Variants in PDE3B observed in about 807,000 individuals in gnomAD.
PDE3B encodes phosphodiesterase 3B, also known as cGMP-inhibited 3',5'-cyclic phosphodiesterase 3B.
Under a neutral mutation model 116.8 loss-of-function variants are expected in PDE3B, and 66 were observed. The ratio of observed to expected loss-of-function variants is 0.56; its 90% CI spans 0.46 to 0.69. The LOEUF is 0.69. Ranked by LOEUF, PDE3B falls within the 30% of genes least tolerant of loss-of-function variation. PDE3B has a pLI of 0.00. For synonymous variants in PDE3B, 595 were observed against 533.6 expected (o/e 1.12, Z -1.59); for missense variants, 1,384 against 1,368.1 (o/e 1.01, Z -0.18).
chr11:14,848,569 T>A (rs1454792308), intron 12 of PDE3B, among the ~76,000 whole-genome samples: 1 of 152,184 alleles, frequency 6.6e-6, no homozygotes, highest in African/African-American at 2.4e-5. Flanking sequence ...GCAGATGACA[T>A]GATTGTATAT....
chr11:14,886,071 C>T, the PDE3B span: 1 of 722,836 alleles, frequency 1.4e-6, no homozygotes, highest in Non-Finnish European at 2.4e-6. Context: ...GTTCAGAGTG[C>T]CCTCCTTCTA....
At chr11:14,751,920 C>T (rs773296363) in intron 1 of PDE3B, among the ~76,000 whole-genome samples, 17 of 152,068 alleles carry the variant, frequency 1.1e-4, no homozygotes, top group Non-Finnish European at 1.6e-4. Context: ...CATTGTAGTG[C>T]CAGTGAAAAT....
chr11:14,863,741 C>T (rs557911138), intron 14 of PDE3B, among the ~76,000 whole-genome samples: 4 of 152,224 alleles, frequency 2.6e-5, no homozygotes, highest in East Asian at 3.9e-4. Context: ...ATCCTTTACA[C>T]GCAAGCAAAT....
chr11:14,688,153 C>CTCCA (rs1382664994), intron 1 of PDE3B, among the ~76,000 whole-genome samples: 3 of 120,436 alleles, frequency 2.5e-5, no homozygotes, highest in Non-Finnish European at 3.8e-5. Context: ...CCCTCCCTCC[C>CTCCA]TCCATCCCTC....
chr11:14,767,806 C>G (rs1454546040), intron 1 of PDE3B, among the ~76,000 whole-genome samples: 1 of 151,274 alleles, frequency 6.6e-6, no homozygotes, highest in African/African-American at 2.4e-5. Flanking sequence ...TGAGGAACAA[C>G]TAGTGATTGA....
At chr11:14,714,359 G>C (rs1482375902) in intron 1 of PDE3B, among the ~76,000 whole-genome samples, 2 of 151,872 alleles carry the variant, frequency 1.3e-5, no homozygotes, top group African/African-American at 4.8e-5. Context: ...TTATGAAATA[G>C]CAAAGGTTTA....
intron 1 of PDE3B, among the ~76,000 whole-genome samples, chr11:14,741,338 C>G (rs1413561278): frequency 6.6e-6 from 1 of 152,056 alleles, no homozygotes; most frequent in Non-Finnish European, 1.5e-5. Flanking sequence ...TTGCATTGAT[C>G]TGTTTACCAT....
intron 1 of PDE3B, among the ~76,000 whole-genome samples, chr11:14,667,082 C>T (rs1243760187): frequency 6.6e-6 from 1 of 152,180 alleles, no homozygotes; most frequent in African/African-American, 2.4e-5. Context: ...GGCACATATA[C>T]ACCATGGAAT....
intron 1 of PDE3B, among the ~76,000 whole-genome samples, chr11:14,709,645 G>A (rs930618971): frequency 6.6e-6 from 1 of 152,130 alleles, no homozygotes; most frequent in African/African-American, 2.4e-5. Flanking sequence ...AATTTGGAGA[G>A]GAGATAGCAC....
chr11:14,772,029 C>A, intron 2 of PDE3B, 42 bp downstream of exon 2: 1 of 807,506 alleles, frequency 1.2e-6, no homozygotes, highest in South Asian at 1.7e-5. Flanking sequence ...TAAATAATAT[C>A]TGTGATCACT....
chr11:14,698,733 CTT>C (rs1280884825), intron 1 of PDE3B: 2 of 151,794 alleles, frequency 1.3e-5, no homozygotes, highest in Non-Finnish European at 1.5e-5. Context: ...CTCTTTTTCT[CTT>C]TTTAAAATTT....
At chr11:14,829,989 A>T (rs957009652) in intron 7 of PDE3B, among the ~76,000 whole-genome samples, 1 of 152,142 alleles carries the variant, frequency 6.6e-6, no homozygotes, top group African/African-American at 2.4e-5. Flanking sequence ...ATCAGAGAGT[A>T]TATACTTTTA....
intron 4 of PDE3B, among the ~76,000 whole-genome samples, chr11:14,798,597 C>A (rs1350378898): frequency 2.6e-5 from 4 of 152,158 alleles, no homozygotes; most frequent in African/African-American, 9.7e-5. Context: ...TTAATTACTG[C>A]CTCCATTTCA....
At chr11:14,649,061 A>G (rs1232976022) in intron 1 of PDE3B, among the ~76,000 whole-genome samples, 1 of 152,214 alleles carries the variant, frequency 6.6e-6, no homozygotes, top group Admixed American at 6.5e-5. Flanking sequence ...ATTATAGTGC[A>G]TTAGATAGTC....
intron 1 of PDE3B, among the ~76,000 whole-genome samples, chr11:14,672,880 T>A (rs1266762547): frequency 6.6e-6 from 1 of 151,904 alleles, no homozygotes; most frequent in African/African-American, 2.4e-5. Context: ...GATGGAGAAA[T>A]GTAGTTTTTA....
the PDE3B span, chr11:14,892,211 C>G: frequency 3.4e-5 from 55 of 1,608,656 alleles, no homozygotes; most frequent in African/African-American, 1.3e-4. Flanking sequence ...CACATCGGCC[C>G]GAGCTGGAGG....
At chr11:14,899,285 G>A in the PDE3B span, among the ~76,000 whole-genome samples, 106 of 152,226 alleles carry the variant, frequency 7.0e-4, 1 homozygote, top group African/African-American at 2.5e-3. Flanking sequence ...CTCCTTCCCT[G>A]GCTGTCCTGT....
chr11:14,748,499 T>C (rs1856974042), intron 1 of PDE3B, among the ~76,000 whole-genome samples: 1 of 152,232 alleles, frequency 6.6e-6, no homozygotes, highest in Non-Finnish European at 1.5e-5. Context: ...CAATATTCTT[T>C]TCATTTTTGT....
the PDE3B span, chr11:14,891,716 A>C: frequency 1.6e-6 from 2 of 1,243,240 alleles, no homozygotes; most frequent in Non-Finnish European, 1.0e-6. Context: ...CTCGAGCGGT[A>C]GCGGGAAAAT....
Sources: allele counts gnomAD v4.1 joint callset (sites outside exome capture counted in the v4.1 genomes callset), GRCh38; gene constraint gnomAD v4.1.1; transcripts MANE v1.5; gene names NCBI Gene and HGNC (gene_info 2026-07-23, HGNC 2026-07-21).